Variants in PPFIBP2 observed in about 807,000 individuals in gnomAD.
The protein encoded by PPFIBP2 is PPFIB scaffold protein 2.
A neutral mutation model predicts 118.3 loss-of-function variants in PPFIBP2; 118 were observed. The ratio of observed to expected loss-of-function variants is 1.00; its 90% CI spans 0.86 to 1.16. The LOEUF (loss-of-function observed/expected upper bound fraction) is 1.16, where lower values mean the gene tolerates loss of function less well. PPFIBP2 is among the 50% of genes most tolerant of loss of function. The pLI is 0.00. For missense variants in PPFIBP2, 1,195 were observed against 1,073.1 expected, an observed-to-expected ratio of 1.11 and a Z score of -1.59; for synonymous variants, 414 against 397.4, an observed-to-expected ratio of 1.04 and a Z score of -0.50.
At chr11:7,572,970 G>T (rs1292006204) in intron 3 of PPFIBP2, among the ~76,000 whole-genome samples, 2 of 152,178 alleles carry the variant, frequency 1.3e-5, no homozygotes, top group Non-Finnish European at 2.9e-5. Context: ...CGTAGAGACG[G>T]TGTTTCACCA....
intron 2 of PPFIBP2, among the ~76,000 whole-genome samples, chr11:7,562,574 C>T (rs1854422461): frequency 6.6e-6 from 1 of 152,178 alleles, no homozygotes; most frequent in Admixed American, 6.5e-5. Context: ...GAATGGGTCA[C>T]TGACGGCTTC....
At chr11:7,540,041 G>C (rs1219612014) in intron 1 of PPFIBP2, among the ~76,000 whole-genome samples, 2 of 152,190 alleles carry the variant, frequency 1.3e-5, no homozygotes, top group Admixed American at 6.5e-5. Context: ...GCTCATGAAG[G>C]AAAGAACTTG....
intron 1 of PPFIBP2, among the ~76,000 whole-genome samples, chr11:7,540,259 G>A (rs1018295065): frequency 3.3e-5 from 5 of 151,420 alleles, no homozygotes; most frequent in African/African-American, 1.2e-4. Flanking sequence ...GTGGGGGGGC[G>A]GTGAGGCTGG....
rs765316567 is a variant in PPFIBP2, at chr11:7,549,503, G to A, written c.28G>A (p.Glu10Lys). 2.6e-6 allele frequency: 4 copies of A among 1,563,848 alleles called. No homozygotes were observed. The Admixed American group carries it at 5.6e-5, about 22-fold the overall frequency. MASDASHALEAALEQMDGII... is the reference protein window; with the variant it reads MASDASHALKAALEQMDGII... ...GGCTTCTGATGCTAGTCATGCGCTG[G>A]AAGCTGCCCTGGAGCAAATGGACGG... Residue 10 changes from glutamate to lysine, a missense_variant, in exon 2 of 24, where the codon GAA becomes AAA. Transcript: ENST00000299492.
chr11:7,625,548 G>C (rs991321172), intron 7 of PPFIBP2, among the ~76,000 whole-genome samples: 2 of 152,234 alleles, frequency 1.3e-5, no homozygotes, highest in Non-Finnish European at 2.9e-5. Context: ...AGGGGAAGAA[G>C]CACATTGATG....
intron 6 of PPFIBP2, among the ~76,000 whole-genome samples, chr11:7,618,885 GTTTTTTT>G (rs36101082): frequency 3.2e-5 from 4 of 124,554 alleles, no homozygotes; most frequent in African/African-American, 6.2e-5. Flanking sequence ...CCATCCAGAA[GTTTTTTT>G]TTTTTTTTTT....
chr11:7,653,180 G>A lies in PPFIBP2; in HGVS notation c.2593G>A (p.Glu865Lys). The change falls in exon 24 of 24, where the codon GAA becomes AAA. Residue 865 changes from glutamate (E) to lysine (K), a missense_variant. Physicochemically the swap from Glu to Lys is moderately conservative, Grantham distance 56 (BLOSUM62 1). Transcript: ENST00000299492. ...YRGLSPLDAP[E>K]LDGLDQVGQI... ...GGGCCTCAGCCCCCTTGATGCCCCTGAACTGGATGGGCTGGACCAGGTGGG... is the reference window on the plus strand; with the variant it reads ...GGGCCTCAGCCCCCTTGATGCCCCTAAACTGGATGGGCTGGACCAGGTGGG... 1 of 1,614,208 alleles carries A rather than the reference G, an allele frequency of 6.2e-7. No homozygotes were observed. The highest frequency in any genetic ancestry group is 8.5e-7 in the Non-Finnish European group (1 of 1,180,042).
downstream of PPFIBP2, among the ~76,000 whole-genome samples, chr11:7,660,948 G>T (rs1387864494): frequency 6.6e-6 from 1 of 151,978 alleles, no homozygotes; most frequent in East Asian, 1.9e-4. Context: ...GGTGTTTGTA[G>T]TATGCTCTGA....
At chr11:7,566,935 C>T (rs978211485) in intron 3 of PPFIBP2, among the ~76,000 whole-genome samples, 11 of 152,160 alleles carry the variant, frequency 7.2e-5, no homozygotes, top group Admixed American at 2.0e-4. Flanking sequence ...CTAGTCTATT[C>T]GTAGTCTATG....
intron 1 of PPFIBP2, among the ~76,000 whole-genome samples, chr11:7,517,877 G>T (rs1455781518): frequency 1.3e-5 from 2 of 152,234 alleles, no homozygotes; most frequent in East Asian, 3.8e-4. Context: ...CTCAGGAAGG[G>T]ATGGGGGGCG....
chr11:7,615,461 G>C (rs184915489), intron 6 of PPFIBP2, among the ~76,000 whole-genome samples: 2 of 152,142 alleles, frequency 1.3e-5, no homozygotes, highest in Non-Finnish European at 2.9e-5. Flanking sequence ...GAAGTTTTGG[G>C]TACACCACAC....
chr11:7,649,271 T>A (rs768911952), intron 20 of PPFIBP2, 36 bp downstream of exon 20: 1 of 1,559,730 alleles, frequency 6.4e-7, no homozygotes, highest in South Asian at 1.1e-5. Context: ...CAGTTGTCCC[T>A]GTGAGCACTC....
At chr11:7,517,024 G>A (rs1368341697) in intron 1 of PPFIBP2, among the ~76,000 whole-genome samples, 1 of 152,194 alleles carries the variant, frequency 6.6e-6, no homozygotes, top group Non-Finnish European at 1.5e-5. Flanking sequence ...AATTTTTAGG[G>A]TATTCTTGAG....
At chr11:7,651,107 G>C in intron 22 of PPFIBP2, 142 bp downstream of exon 22, 1 of 873,444 alleles carries the variant, frequency 1.1e-6, no homozygotes, top group South Asian at 2.0e-5. Context: ...ATGTCTCAAA[G>C]TATTTTGATA....
intron 3 of PPFIBP2, among the ~76,000 whole-genome samples, chr11:7,587,789 T>A (rs1370700997): frequency 6.6e-6 from 1 of 152,220 alleles, no homozygotes; most frequent in East Asian, 1.9e-4. Flanking sequence ...AAGTCAAGCC[T>A]GGATCAAGTG....
At chr11:7,652,369 A>G (rs1005871188) in intron 23 of PPFIBP2, among the ~76,000 whole-genome samples, 1 of 152,194 alleles carries the variant, frequency 6.6e-6, no homozygotes, top group African/African-American at 2.4e-5. Flanking sequence ...GAATCCCACA[A>G]AGCCCTTTAG....
Position 7,610,351 on chromosome 11 carries a change from G to C in PPFIBP2, c.547G>C (p.Glu183Gln), listed in dbSNP as rs1169572814. ...QKLDLMTEVSELKLKLVGMEK... is the reference protein window; with the variant it reads ...QKLDLMTEVSQLKLKLVGMEK... ...GCTCGATCTGATGACTGAAGTGTCT[G>C]AGCTGAAGCTCAAGCTGGTTGGCAT... The change falls in exon 6 of 24, where the codon GAG becomes CAG. Residue 183 changes from glutamate (E) to glutamine (Q), a missense_variant. By Grantham distance (29) the Glu-to-Gln change is conservative. Transcript: ENST00000299492. The C allele has an allele frequency of 6.2e-7, 1 of 1,614,086 alleles. No homozygotes were observed. Among genetic ancestry groups the C allele is most frequent in the Non-Finnish European group, 8.5e-7 (1 of 1,180,038 alleles).
chr11:7,590,023 G>A (rs1208419069), intron 3 of PPFIBP2, among the ~76,000 whole-genome samples: 1 of 152,196 alleles, frequency 6.6e-6, no homozygotes, highest in African/African-American at 2.4e-5. Flanking sequence ...TATAATGCAA[G>A]AATGATACCA....
rs754932804 is a variant in PPFIBP2 at position 7,642,407 on chromosome 11, G to A, written c.1627G>A (p.Asp543Asn). The change falls in exon 17 of 24, where the codon GAC (aspartate) becomes AAC (asparagine). Residue 543 changes from aspartate to asparagine, a missense_variant. Transcript: ENST00000299492. ...AGGGCCAAGACTCTCTAGGACCAGG[G>A]ACTCCAAGGGACAGAAAAGGTAAGG... ...TAGPRLSRTRDSKGQKSDANA... is the reference protein window; with the variant it reads ...TAGPRLSRTRNSKGQKSDANA... 3 of 1,613,668 alleles carry A rather than the reference G, an allele frequency of 1.9e-6. No individual in the cohort carries two copies. Among genetic ancestry groups the A allele is most frequent in the African/African-American group, 1.3e-5 (1 of 75,038 alleles).
Sources: allele counts gnomAD v4.1 joint callset (sites outside exome capture counted in the v4.1 genomes callset), GRCh38; gene constraint gnomAD v4.1.1; transcripts MANE v1.5; gene names NCBI Gene and HGNC (gene_info 2026-07-23, HGNC 2026-07-21).